The following PCDH9 variants were observed in gnomAD, a reference collection of about 807,000 sequenced individuals.
PCDH9 encodes the protein protocadherin-9.
Under a neutral mutation model 70.6 loss-of-function variants are expected in PCDH9, and 24 were observed. That is an observed-to-expected ratio of 0.34 (90% confidence interval 0.25 to 0.48). PCDH9 has a LOEUF of 0.48. PCDH9 is among the 20% of genes least tolerant of loss of function. The pLI is 0.99. For missense variants in PCDH9, 1,281 were observed against 1,503.6 expected (o/e 0.85, Z 2.45); for synonymous variants, 562 against 558.5 (o/e 1.01, Z -0.09).
chr13:66,787,996 A>G (rs1249001605), intron 3 of PCDH9, among the ~76,000 whole-genome samples: 2 of 152,196 alleles, frequency 1.3e-5, no homozygotes, highest in Non-Finnish European at 2.9e-5. Context: ...GGAACAGTGT[A>G]GGCACAGGAG....
chr13:66,794,308 G>A (rs1361784991), intron 3 of PCDH9, among the ~76,000 whole-genome samples: 1 of 152,034 alleles, frequency 6.6e-6, no homozygotes, highest in African/African-American at 2.4e-5. Flanking sequence ...GATAGAGCAA[G>A]GGAAGAAACA....
At chr13:67,107,169 T>C (rs1193661903) in intron 2 of PCDH9, among the ~76,000 whole-genome samples, 1 of 151,184 alleles carries the variant, frequency 6.6e-6, no homozygotes, top group East Asian at 2.0e-4. Flanking sequence ...CCAAATGAGA[T>C]CTTATGGTGC....
intron 3 of PCDH9, among the ~76,000 whole-genome samples, chr13:66,759,543 T>G (rs2079589475): frequency 6.6e-6 from 1 of 152,104 alleles, no homozygotes; most frequent in Non-Finnish European, 1.5e-5. Context: ...TTTCTAGTTA[T>G]TTTAGAGATC....
At chr13:66,863,166 T>C (rs1203660973) in intron 3 of PCDH9, among the ~76,000 whole-genome samples, 2 of 152,164 alleles carry the variant, frequency 1.3e-5, no homozygotes, top group Admixed American at 6.5e-5. Flanking sequence ...AAAAGCAAGA[T>C]ACAAATAAAA....
At chr13:67,208,505 A>G (rs2089402817) in intron 2 of PCDH9, 1 of 152,130 alleles carries the variant, frequency 6.6e-6, no homozygotes, top group Non-Finnish European at 1.5e-5. Flanking sequence ...CTCCATAATA[A>G]ACAATTTTGA....
intron 2 of PCDH9, among the ~76,000 whole-genome samples, chr13:67,022,802 A>C (rs1244591517): frequency 6.6e-6 from 1 of 152,188 alleles, no homozygotes; most frequent in East Asian, 1.9e-4. Context: ...CGTTAGAGAA[A>C]AAAAAAGAGT....
At chr13:67,119,861 G>T (rs1217593508) in intron 2 of PCDH9, among the ~76,000 whole-genome samples, 15 of 152,132 alleles carry the variant, frequency 9.9e-5, no homozygotes, top group East Asian at 5.8e-4. Context: ...TCTGAGCCAG[G>T]TGGTCATGAG....
chr13:66,375,073 T>C (rs1016031305), intron 4 of PCDH9, among the ~76,000 whole-genome samples: 4 of 152,154 alleles, frequency 2.6e-5, no homozygotes, highest in Non-Finnish European at 5.9e-5. Context: ...TGATTAACTC[T>C]ACTTAAAATA....
intron 2 of PCDH9, chr13:67,211,518 A>T (rs2089467194): frequency 6.6e-6 from 1 of 152,116 alleles, no homozygotes; most frequent in Non-Finnish European, 1.5e-5. Flanking sequence ...TGACCTTCCT[A>T]TATAAACATT....
chr13:67,103,852 A>G (rs2086482541), intron 2 of PCDH9, among the ~76,000 whole-genome samples: 1 of 152,170 alleles, frequency 6.6e-6, no homozygotes, highest in South Asian at 2.1e-4. Context: ...GAATTCACAG[A>G]GTCATTTTGG....
intron 4 of PCDH9, among the ~76,000 whole-genome samples, chr13:66,506,414 TAAG>T (rs1414520549): frequency 6.6e-6 from 1 of 152,190 alleles, no homozygotes; most frequent in Non-Finnish European, 1.5e-5. Flanking sequence ...ACGGACAGAA[TAAG>T]AGTTTATTAT....
intron 3 of PCDH9, among the ~76,000 whole-genome samples, chr13:66,639,803 G>C (rs1337895715): frequency 6.6e-6 from 1 of 152,082 alleles, no homozygotes. Context: ...TTGGTGATTT[G>C]CTTCTTATAT....
At chr13:67,214,906 T>A in intron 2 of PCDH9, 1 of 123,844 alleles carries the variant, frequency 8.1e-6, no homozygotes, top group African/African-American at 2.9e-5. Context: ...ACAGGTAACA[T>A]TTTCTGAGTG....
At chr13:67,078,140 T>C (rs776188869) in intron 2 of PCDH9, among the ~76,000 whole-genome samples, 7 of 152,144 alleles carry the variant, frequency 4.6e-5, no homozygotes, top group Non-Finnish European at 1.0e-4. Flanking sequence ...GCAGGAGCCA[T>C]AGTGGCCATT....
chr13:67,070,416 A>G (rs978347648), intron 2 of PCDH9, among the ~76,000 whole-genome samples: 1 of 152,192 alleles, frequency 6.6e-6, no homozygotes, highest in Admixed American at 6.5e-5. Context: ...TGTAAAGAGA[A>G]GTAGACAGCC....
intron 4 of PCDH9, among the ~76,000 whole-genome samples, chr13:66,484,017 GGA>G (rs1958893447): frequency 1.3e-5 from 2 of 152,164 alleles, no homozygotes; most frequent in Non-Finnish European, 2.9e-5. Flanking sequence ...GGCACTTGGA[GGA>G]GAGCCCTGGC....
In PCDH9 at chr13:66,568,666, C is replaced by A. The variant is rs575178451; in HGVS notation, c.3340+62544G>T. On this transcript the variant is annotated intron_variant, in intron 4 of 4. Coordinates refer to ENST00000377865, the MANE Select transcript of PCDH9 (RefSeq NM_203487.3). ...CAGCCTGAATGACAGGGGAAAAACC[C>A]TGTCTCAAAAAAAAAAAAGAAAATG... Among the ~76,000 whole-genome samples the A allele has an allele frequency of 1.5e-4, 22 of 150,814 alleles. No homozygotes were observed. In the South Asian group the frequency reaches 4.6e-3, roughly 32 times the overall value.
chr13:67,149,286 G>T (rs547425003), intron 2 of PCDH9, among the ~76,000 whole-genome samples: 2 of 152,110 alleles, frequency 1.3e-5, no homozygotes, highest in African/African-American at 4.8e-5. Context: ...TGTTGCTGAC[G>T]GCCTGAGCTG....
At chr13:66,709,913 G>A (rs1457691002) in intron 3 of PCDH9, among the ~76,000 whole-genome samples, 1 of 152,070 alleles carries the variant, frequency 6.6e-6, no homozygotes, top group Non-Finnish European at 1.5e-5. Context: ...GGATGAACTA[G>A]ACAAGGTCTA....
Sources: allele counts gnomAD v4.1 joint callset (sites outside exome capture counted in the v4.1 genomes callset), GRCh38; gene constraint gnomAD v4.1.1; transcripts MANE v1.5; gene names NCBI Gene and HGNC (gene_info 2026-07-23, HGNC 2026-07-21).